MAP2K7: variants seen among roughly 807,000 people sequenced by gnomAD.
The protein encoded by MAP2K7 is dual specificity mitogen-activated protein kinase kinase 7.
A neutral mutation model predicts 47.7 loss-of-function variants in MAP2K7; 12 were observed. The observed-to-expected ratio is 0.25, with a 90% confidence interval of 0.16 to 0.41. The LOEUF (loss-of-function observed/expected upper bound fraction) is 0.41. MAP2K7 is among the 10% of genes least tolerant of loss of function. MAP2K7 has a pLI of 1.00. For synonymous variants in MAP2K7, 299 were observed against 243.0 expected (o/e 1.23, Z -2.14); for missense variants, 415 against 600.3 (o/e 0.69, Z 3.23).
intron 1 of MAP2K7, 102 bp downstream of exon 1, chr19:7,904,170 G>C (rs1030856552): frequency 1.0e-6 from 1 of 979,588 alleles, no homozygotes; most frequent in Non-Finnish European, 1.3e-6. Context: ...CTTCCGGGGC[G>C]CTCGCTCTCC....
chr19:7,912,729 GC>G lies in MAP2K7; in HGVS notation c.*303del. ...CAGCCGCAGCCTCTGGGCCGGGGCG[GC>G]CCCCAGGGGCCAGGAGAGAGCCCTG... On this transcript the variant is annotated 3_prime_UTR_variant, in exon 11 of 11. Coordinates refer to ENST00000397979, the MANE Select transcript of MAP2K7 (RefSeq NM_145185.4). 2.2e-6 allele frequency: 1 copy of G among 453,568 alleles called. No homozygotes were observed. Among genetic ancestry groups the G allele is most frequent in the Non-Finnish European group, 4.0e-6 (1 of 249,506 alleles). 28.1% of individuals were successfully genotyped at this position (453,568 alleles called of 1,614,324 possible).
At chr19:7,905,919 C>T (rs1214137201) in intron 1 of MAP2K7, 13 of 1,434,230 alleles carry the variant, frequency 9.1e-6, no homozygotes, top group East Asian at 2.3e-5. Context: ...CTGCCCCGGC[C>T]GCAGAATGGC....
chr19:7,911,377 TG>T, intron 8 of MAP2K7, 47 bp downstream of exon 8: 1 of 1,613,434 alleles, frequency 6.2e-7, no homozygotes. Context: ...TGAGGGCTTC[TG>T]GGGGACTCGG....
intron 1 of MAP2K7, 143 bp downstream of exon 1, chr19:7,904,211 G>A (rs1218226784): frequency 4.2e-6 from 3 of 710,996 alleles, no homozygotes; most frequent in Non-Finnish European, 1.8e-6. Flanking sequence ...GGCTCGCGGG[G>A]CGAGGGTCAC....
intron 1 of MAP2K7, chr19:7,905,886 C>T (rs1982417874): frequency 1.2e-6 from 2 of 1,606,538 alleles, no homozygotes; most frequent in African/African-American, 1.3e-5. Context: ...GCTGCTTGGA[C>T]ATCTGCACCA....
At chr19:7,906,079 T>C in intron 1 of MAP2K7, 1 of 579,652 alleles carries the variant, frequency 1.7e-6, no homozygotes, top group Non-Finnish European at 3.1e-6. Context: ...CAGCTCCACT[T>C]TGGACTCCCT....
At chr19:7,905,235 A>G (rs1982370487) in intron 1 of MAP2K7, among the ~76,000 whole-genome samples, 1 of 150,636 alleles carries the variant, frequency 6.6e-6, no homozygotes, top group South Asian at 2.1e-4. Context: ...AGTTCTCTCT[A>G]TGGAGTCATT....
intron 1 of MAP2K7, chr19:7,904,425 TG>T: frequency 2.7e-6 from 1 of 377,224 alleles, no homozygotes. Context: ...CCTGTTGACC[TG>T]ATGCTACCAC....
rs756811414 is a variant in MAP2K7 at position 7,909,790 on chromosome 19, C to T, written c.160C>T (p.Arg54Cys). Reference protein sequence around the residue: ...QLPLANDGGSRSPSSESSPQH... With the variant: ...QLPLANDGGSCSPSSESSPQH... ...CCCGCTGGCCAACGATGGGGGCAGC[C>T]GCTCGCCATCCTCAGAGAGCTCCCC... The change falls in exon 2 of 11, where the codon CGC (arginine) becomes TGC (cysteine). Residue 54 changes from arginine to cysteine, a missense_variant. Around this residue, in one of 3 missense-constraint regions of MAP2K7, gnomAD observed 115 missense variants for 126.2 expected, o/e 0.91. Transcript: ENST00000397979. 3.2e-5 allele frequency: 49 copies of T among 1,543,022 alleles called. No homozygotes were observed. The highest frequency in any genetic ancestry group is 2.3e-4 in the Middle Eastern group (1 of 4,366).
Position 7,911,252 on chromosome 19 carries a change from C to T in MAP2K7, c.858C>T (p.Pro286=), listed in dbSNP as rs757758116. The change falls in exon 8 of 11, where the codon CCC becomes CCT. Residue 286 remains proline, a splice_region_variant and synonymous_variant. Transcript: ENST00000397979. ...GTCTTCTCCTCCCCCCCCTGCAGCC[C>T]GAGCGCATTGACCCCCCAGACCCCA... ...RSAGCAAYMA[P]ERIDPPDPTK... 6.8e-6 allele frequency: 11 copies of T among 1,612,336 alleles called. No homozygotes were observed. The highest frequency in any genetic ancestry group is 2.2e-5 in the East Asian group (1 of 44,844).
In MAP2K7 at chr19:7,911,196, G is replaced by A. The variant is rs200191460; in HGVS notation, c.855+37G>A. The A allele has an allele frequency of 4.4e-3, 7,129 of 1,607,672 alleles. 29 individuals carry two copies. Among genetic ancestry groups the A allele is most frequent in the Non-Finnish European group, 5.4e-3 (6,410 of 1,176,732 alleles). On this transcript the variant is annotated intron_variant, in intron 7 of 10. Coordinates refer to ENST00000397979, the MANE Select transcript of MAP2K7 (RefSeq NM_145185.4). ...CCCCCCAGCGGGGGAGGGGGTGGGG[G>A]CTGGGAGGCCGGCCCCAGCCTTGGA... is the stretch of plus-strand genomic sequence containing the variant.
At chr19:7,906,770 C>T (rs1024601490) in intron 1 of MAP2K7, 1 of 152,298 alleles carries the variant, frequency 6.6e-6, no homozygotes, top group Non-Finnish European at 1.5e-5. Context: ...ACCTGTAATT[C>T]CAGCACTTTG....
Position 7,911,436 on chromosome 19 carries a change from G to T in MAP2K7, c.937G>T (p.Val313Leu). ...CCAGCCCTGCCCGTCTCCCTCCCAG[G>T]TGGAGCTGGCAACAGGACAGTTTCC... Reference protein sequence around the residue: ...ADVWSLGISLVELATGQFPYK... With the variant: ...ADVWSLGISLLELATGQFPYK... Residue 313 changes from valine (V) to leucine (L), a missense_variant and splice_region_variant, in exon 9 of 11, where the codon GTG becomes TTG. By Grantham distance (32) the Val-to-Leu change is conservative. Transcript: ENST00000397979. 6.2e-7 allele frequency: 1 copy of T among 1,613,418 alleles called. No individual in the cohort carries two copies. Among genetic ancestry groups the T allele is most frequent in the Non-Finnish European group, 8.5e-7 (1 of 1,179,882 alleles).
intron 1 of MAP2K7, among the ~76,000 whole-genome samples, chr19:7,908,921 G>A (rs1027069326): frequency 6.2e-5 from 9 of 145,298 alleles, no homozygotes; most frequent in South Asian, 5.0e-4. Flanking sequence ...CCCTAATGCC[G>A]CCTGCCCACC....
In MAP2K7 at chr19:7,911,344, C is replaced by A; in HGVS notation, c.936+14C>A. On this transcript the variant is annotated intron_variant, in intron 8 of 10. Coordinates refer to ENST00000397979, the MANE Select transcript of MAP2K7 (RefSeq NM_145185.4). ...GGCATCTCGTTGGTGAGTTGGGGCC[C>A]TCCCCTGTTCTCCAGCCAGGAGTGA... The A allele has an allele frequency of 6.2e-7, 1 of 1,613,444 alleles. No homozygotes were observed. Among genetic ancestry groups the A allele is most frequent in the Non-Finnish European group, 8.5e-7 (1 of 1,180,002 alleles).
intron 9 of MAP2K7, 47 bp downstream of exon 9, chr19:7,911,625 T>C (rs1471183372): frequency 6.6e-7 from 1 of 1,521,476 alleles, no homozygotes; most frequent in Non-Finnish European, 8.8e-7. Flanking sequence ...CCCGCTGCTC[T>C]GGGCAGCTGG....
chr19:7,905,253 G>A (rs1489433565), intron 1 of MAP2K7, among the ~76,000 whole-genome samples: 2 of 114,790 alleles, frequency 1.7e-5, no homozygotes, highest in African/African-American at 5.8e-5. Context: ...ATTATGGCAG[G>A]CGAGAAAGGT....
At chr19:7,904,791 T>G (rs1180751059) in intron 1 of MAP2K7, among the ~76,000 whole-genome samples, 2 of 151,882 alleles carry the variant, frequency 1.3e-5, no homozygotes, top group Non-Finnish European at 2.9e-5. Context: ...CCTCCAGAAA[T>G]GCACATCGAC....
chr19:7,911,701 C>A, intron 9 of MAP2K7, 123 bp downstream of exon 9: 1 of 1,075,222 alleles, frequency 9.3e-7, no homozygotes, highest in Non-Finnish European at 1.3e-6. Flanking sequence ...TGTGGGCGGG[C>A]TCCTGGCTGG....
Sources: allele counts gnomAD v4.1 joint callset (sites outside exome capture counted in the v4.1 genomes callset), GRCh38; gene constraint gnomAD v4.1.1; regional missense constraint gnomAD v4.1.1; transcripts MANE v1.5; gene names NCBI Gene and HGNC (gene_info 2026-07-23, HGNC 2026-07-21).